The following ANKFY1 variants were observed in gnomAD, a reference collection of about 807,000 sequenced individuals.
ANKFY1 encodes ankyrin repeat and FYVE domain containing 1, also known as ankyrin repeat and FYVE domain-containing protein 1.
In ANKFY1, 47 loss-of-function variants were observed where a neutral mutation model predicts 128.3. The ratio of observed to expected loss-of-function variants is 0.37; its 90% CI spans 0.29 to 0.47. The LOEUF (loss-of-function observed/expected upper bound fraction) is 0.47. Among genes scored for constraint, ANKFY1 ranks in the 20% least tolerant of loss-of-function variants. ANKFY1 has a pLI of 1.00. For synonymous variants in ANKFY1, 553 were observed against 601.6 expected, an observed-to-expected ratio of 0.92 and a Z score of 1.18; for missense variants, 1,222 against 1,510.6, an observed-to-expected ratio of 0.81 and a Z score of 3.17.
chr17:4,257,506 C>T (rs972789191), intron 1 of ANKFY1, among the ~76,000 whole-genome samples: 1 of 152,150 alleles, frequency 6.6e-6, no homozygotes, highest in African/African-American at 2.4e-5. Context: ...GAACAGTGAC[C>T]TCTCCTCAAT....
chr17:4,195,990 C>CACACACACACACACACACA (rs2059811914), intron 8 of ANKFY1, among the ~76,000 whole-genome samples: 1 of 149,650 alleles, frequency 6.7e-6, no homozygotes, highest in African/African-American at 2.5e-5. Context: ...CACACACACA[C>CACACACACACACACACACA]CCCCGAGTCA....
Position 4,181,237 on chromosome 17 carries a change from A to G in ANKFY1, c.2240+17T>C, listed in dbSNP as rs779703815. ...GCTCACTAAAAAGCTGTGGAGAGAT[A>G]CTGGGGACTCTCAGACCTGCGAATA... is the stretch of plus-strand genomic sequence containing the variant. On this transcript the variant is annotated intron_variant, in intron 16 of 24. Transcript: ENST00000341657. The surrounding 1 kb of genome is among the most constrained non-coding windows in gnomAD (Gnocchi z 4.9). The G allele has an allele frequency of 1.3e-6, 2 of 1,598,868 alleles. No homozygotes were observed. The highest frequency in any genetic ancestry group is 1.7e-5 in the Admixed American group (1 of 59,964).
chr17:4,228,123 G>C (rs953351280), intron 3 of ANKFY1, among the ~76,000 whole-genome samples: 1 of 151,992 alleles, frequency 6.6e-6, no homozygotes, highest in Non-Finnish European at 1.5e-5. Flanking sequence ...AAAAAAGTGT[G>C]GTATTTTCAT....
rs1188826573 is a variant in ANKFY1, at chr17:4,169,139, G to C, written c.3377+59C>G. The C allele has an allele frequency of 6.8e-7, 1 of 1,461,008 alleles. No homozygotes were observed. Among genetic ancestry groups the C allele is most frequent in the African/African-American group, 1.4e-5 (1 of 71,248 alleles). 90.5% of individuals were successfully genotyped at this position (1,461,008 alleles called of 1,614,324 possible). A position where few individuals can be genotyped will look rare whatever the true frequency, so the allele number is the denominator to read the frequency against. On this transcript the variant is annotated intron_variant, in intron 24 of 24. Transcript: ENST00000341657. The surrounding 1 kb of genome is among the most constrained non-coding windows in gnomAD (Gnocchi z 5.0). ...TTCACGGCCTGTCCTGGAGAAGGGG[G>C]GAAGCAATGACATCAGCGGCAGTCC...
At position 4,179,067 on chromosome 17, in the gene ANKFY1, A is replaced by G; in HGVS notation, c.2398-10T>C. ...TTCTTCCTTCTGCATCCTATGGAAC[A>G]AGGCACAGAATTTAATGTTCAATTG... On this transcript the variant is annotated splice_polypyrimidine_tract_variant and intron_variant, in intron 17 of 24. Transcript: ENST00000341657. The G allele has an allele frequency of 1.2e-6, 2 of 1,613,734 alleles. No individual in the cohort carries two copies. The highest frequency in any genetic ancestry group is 1.6e-4 in the Middle Eastern group (1 of 6,062).
chr17:4,235,426 T>C (rs1261228776), intron 3 of ANKFY1, among the ~76,000 whole-genome samples: 2 of 151,920 alleles, frequency 1.3e-5, no homozygotes, highest in Non-Finnish European at 2.9e-5. Context: ...TTATTAGACT[T>C]GAGGGAAAAT....
At chr17:4,172,313 A>C (rs1181962985) in intron 22 of ANKFY1, among the ~76,000 whole-genome samples, 1 of 152,178 alleles carries the variant, frequency 6.6e-6, no homozygotes, top group Non-Finnish European at 1.5e-5. Context: ...AAACAGGTGG[A>C]GAGGCCTGTT....
chr17:4,236,790 T>A (rs1045834791), intron 2 of ANKFY1, among the ~76,000 whole-genome samples: 20 of 151,332 alleles, frequency 1.3e-4, no homozygotes, highest in Non-Finnish European at 2.8e-4. Flanking sequence ...AACCACTATA[T>A]GGAAAAAAAG....
At chr17:4,174,344 A>G (rs1315171557) in intron 19 of ANKFY1, among the ~76,000 whole-genome samples, 1 of 152,236 alleles carries the variant, frequency 6.6e-6, no homozygotes, top group Non-Finnish European at 1.5e-5. Context: ...GCAGGACTGC[A>G]GTGATGGCCG....
intron 3 of ANKFY1, among the ~76,000 whole-genome samples, chr17:4,235,176 C>T (rs1198177387): frequency 6.6e-6 from 1 of 151,860 alleles, no homozygotes; most frequent in Non-Finnish European, 1.5e-5. Flanking sequence ...AACCCTGTCT[C>T]TACTAAAAAT....
chr17:4,210,531 G>A (rs151222832), intron 4 of ANKFY1, among the ~76,000 whole-genome samples: 6,723 of 151,270 alleles, frequency 0.044, 517 homozygotes, highest in African/African-American at 0.15. Context: ...CAACATGGAG[G>A]AACCCCATCT....
At chr17:4,172,713 A>T in intron 21 of ANKFY1, 33 bp from the exon 22 acceptor site, 2 of 1,612,084 alleles carry the variant, frequency 1.2e-6, no homozygotes, top group Non-Finnish European at 8.5e-7. Context: ...TTAGGAATGT[A>T]TCTGCCATGG....
chr17:4,168,989 A>G, intron 24 of ANKFY1: 2 of 530,298 alleles, frequency 3.8e-6, no homozygotes, highest in Non-Finnish European at 6.9e-6. Context: ...CCAGCAGGAA[A>G]GCCACCCGTC....
At chr17:4,193,842 C>T (rs2059763419) in intron 10 of ANKFY1, among the ~76,000 whole-genome samples, 1 of 151,744 alleles carries the variant, frequency 6.6e-6, no homozygotes, top group Non-Finnish European at 1.5e-5. Context: ...TCACTGCAAC[C>T]TCTGTCTCCT....
chr17:4,263,644 C>T (rs1968544949), intron 1 of ANKFY1: 3 of 1,534,688 alleles, frequency 2.0e-6, no homozygotes, highest in African/African-American at 1.4e-5. Flanking sequence ...CCCGTGCTGC[C>T]CTCGGGGCCC....
intron 3 of ANKFY1, among the ~76,000 whole-genome samples, chr17:4,226,533 AAGG>A (rs944685924): frequency 2.6e-5 from 4 of 152,144 alleles, no homozygotes; most frequent in African/African-American, 9.7e-5. Flanking sequence ...AGGGAGAAAA[AAGG>A]AGAACGGGAG....
At chr17:4,202,281 A>T (rs995153169) in intron 7 of ANKFY1, among the ~76,000 whole-genome samples, 1 of 151,944 alleles carries the variant, frequency 6.6e-6, no homozygotes, top group South Asian at 2.1e-4. Flanking sequence ...TGTGCCTGTA[A>T]TCCCAGCTAC....
intron 16 of ANKFY1, among the ~76,000 whole-genome samples, chr17:4,180,760 CA>C (rs11392631): frequency 0.16 from 9,331 of 57,908 alleles, 201 homozygotes; most frequent in African/African-American, 0.29. Flanking sequence ...GACTCTGTCT[CA>C]AAAAAAAAAA....
chr17:4,197,572 G>C lies in ANKFY1; in HGVS notation c.904C>G (p.Leu302Val). ...LLHKGIQRGD[L>V]FAATFLIKNG... is the part of the protein sequence containing the mutation. ...TTAATGAGGAAAGTGGCAGCAAAGAGATCTCCTTGAAAAGAAATAATAGAA... is the reference window on the plus strand; with the variant it reads ...TTAATGAGGAAAGTGGCAGCAAAGACATCTCCTTGAAAAGAAATAATAGAA... Residue 302 changes from leucine to valine, a missense_variant, in exon 8 of 25, where the codon CTC becomes GTC. Coordinates refer to ENST00000341657, the MANE Select transcript of ANKFY1 (RefSeq NM_001330063.2). The C allele has an allele frequency of 1.2e-6, 2 of 1,614,036 alleles. No individual in the cohort carries two copies. Among genetic ancestry groups the C allele is most frequent in the South Asian group, 2.2e-5 (2 of 91,050 alleles).
Sources: allele counts gnomAD v4.1 joint callset (sites outside exome capture counted in the v4.1 genomes callset), GRCh38; gene constraint gnomAD v4.1.1; non-coding constraint Gnocchi (gnomAD v3.1); transcripts MANE v1.5; gene names NCBI Gene and HGNC (gene_info 2026-07-23, HGNC 2026-07-21).